HHLA1: variants seen among roughly 807,000 people sequenced by gnomAD.
HHLA1 encodes the protein HHLA1 neighbor of OC90.
A neutral mutation model predicts 69.9 loss-of-function variants in HHLA1; 72 were observed. That is an observed-to-expected ratio of 1.03 (90% CI 0.85 to 1.25). HHLA1 has a LOEUF of 1.25. HHLA1 is among the 50% of genes most tolerant of loss of function. The pLI is 0.00. For missense variants in HHLA1, 685 were observed against 642.2 expected (o/e 1.07, Z -0.72); for synonymous variants, 252 against 233.2 (o/e 1.08, Z -0.73).
At position 132,087,702 on chromosome 8, in the gene HHLA1, T is replaced by C. The variant is rs558094928; in HGVS notation, c.627A>G (p.Lys209=). The change falls in exon 10 of 17, where the codon AAA becomes AAG. Residue 209 remains lysine, a synonymous_variant. Transcript: ENST00000414222. The part of the protein sequence containing the change: ...NLSDFWEIEE[K]YPIINYTFTS... ...TAAATGTGTAATTGATAATGGGATA[T>C]TTTTCTTCTATCTCCCAGAAGTCAG... 46 of 1,551,548 alleles carry C rather than the reference T, an allele frequency of 3.0e-5. No homozygotes were observed. The Middle Eastern group carries it at 2.3e-3, about 79-fold the overall frequency.
At chr8:132,101,421 T>G (rs189207823) in intron 3 of HHLA1, 10 of 1,054,860 alleles carry the variant, frequency 9.5e-6, no homozygotes, top group East Asian at 5.6e-5. Context: ...CTAAATTTGA[T>G]GTACCATATT....
At chr8:132,065,617 T>C (rs1210755334) in intron 16 of HHLA1, among the ~76,000 whole-genome samples, 7 of 152,234 alleles carry the variant, frequency 4.6e-5, no homozygotes, top group Non-Finnish European at 7.3e-5. Context: ...AGGAGCTCTG[T>C]GGCTAAGAGA....
intron 5 of HHLA1, among the ~76,000 whole-genome samples, chr8:132,097,825 A>C (rs1294263387): frequency 6.6e-6 from 1 of 152,218 alleles, no homozygotes; most frequent in Non-Finnish European, 1.5e-5. Context: ...ATGGATAATA[A>C]TGTTGATGGG....
chr8:132,107,944 G>C (rs1036807862), intron 1 of HHLA1, among the ~76,000 whole-genome samples: 1 of 152,168 alleles, frequency 6.6e-6, no homozygotes, highest in East Asian at 1.9e-4. Flanking sequence ...GACCACTCTG[G>C]GACAGTCTAG....
At chr8:132,076,447 ACC>A in intron 13 of HHLA1, 26 bp downstream of exon 13, 1 of 1,280,500 alleles carries the variant, frequency 7.8e-7, no homozygotes, top group Admixed American at 2.2e-5. Context: ...CCACCCCCAA[ACC>A]CCCACTTCCG....
chr8:132,092,437 A>G (rs1002362041), intron 7 of HHLA1, among the ~76,000 whole-genome samples: 1 of 152,146 alleles, frequency 6.6e-6, no homozygotes, highest in Non-Finnish European at 1.5e-5. Context: ...TGCAATCCAC[A>G]ATGCTGGAGG....
At chr8:132,077,258 G>A (rs1471674943) in intron 12 of HHLA1, among the ~76,000 whole-genome samples, 2 of 152,182 alleles carry the variant, frequency 1.3e-5, no homozygotes, top group African/African-American at 4.8e-5. Context: ...AGTTCTGGAG[G>A]AGAGTGGGCT....
In HHLA1 at chr8:132,079,929, G is replaced by C; in HGVS notation, c.714C>G (p.Pro238=). ...GTAGTGTTTTCTGGCTTTTGGTTGTGGGCTTTGAAGTCCTGGCAGTTCCCC... is the reference window on the plus strand; with the variant it reads ...GTAGTGTTTTCTGGCTTTTGGTTGTCGGCTTTGAAGTCCTGGCAGTTCCCC... ...ATRGTARTSK[P]TTKSQKTLPS... The change falls in exon 11 of 17, where the codon CCC becomes CCG. Residue 238 remains proline (P), a synonymous_variant. Coordinates refer to ENST00000414222, the MANE Select transcript of HHLA1 (RefSeq NM_001145095.3). The C allele has an allele frequency of 6.4e-7, 1 of 1,552,296 alleles. No homozygotes were observed. The highest frequency in any genetic ancestry group is 8.7e-7 in the Non-Finnish European group (1 of 1,147,116).
chr8:132,077,000 G>T (rs999665681), intron 12 of HHLA1, among the ~76,000 whole-genome samples: 1 of 152,070 alleles, frequency 6.6e-6, no homozygotes, highest in Non-Finnish European at 1.5e-5. Context: ...TTTGTATCAT[G>T]TTCATGAAGC....
At position 132,098,286 on chromosome 8, in the gene HHLA1, C is replaced by T. The variant is rs570408612; in HGVS notation, c.280+596G>A. ...AGAAAGAAGATTACAATAATATTGT[C>T]TTAAAAAAAGAAATCCAGAATCATA... On this transcript the variant is annotated intron_variant, in intron 5 of 16. Transcript: ENST00000414222. Among the ~76,000 whole-genome samples the T allele has an allele frequency of 5.9e-5, 9 of 152,172 alleles. No individual in the cohort carries two copies. In the South Asian group the frequency reaches 1.9e-3, roughly 32 times the overall value.
At chr8:132,075,222 C>T (rs965960011) in intron 14 of HHLA1, among the ~76,000 whole-genome samples, 12 of 152,112 alleles carry the variant, frequency 7.9e-5, no homozygotes, top group Non-Finnish European at 1.2e-4. Flanking sequence ...AAAAAGGAGA[C>T]GGGGCAGGGT....
In HHLA1 at chr8:132,078,904, T is replaced by TTTTG. The variant is rs141517904; in HGVS notation, c.925+810_925+813dup. On this transcript the variant is annotated intron_variant, in intron 11 of 16. Coordinates refer to ENST00000414222, the MANE Select transcript of HHLA1 (RefSeq NM_001145095.3). ...ACCCACTGAGAAAATATTGACTCTT[T>TTTTG]TTTGTTTGTTTGTTTTTTCTGCACT... 4.5e-3 allele frequency among the ~76,000 whole-genome samples: 689 copies of TTTTG among 152,214 alleles called. 4 individuals are homozygous for TTTTG. Among genetic ancestry groups the TTTTG allele is most frequent in the East Asian group, 0.033 (172 of 5,168 alleles).
chr8:132,107,165 G>T (rs541238130), intron 1 of HHLA1, among the ~76,000 whole-genome samples: 4 of 152,032 alleles, frequency 2.6e-5, no homozygotes, highest in African/African-American at 9.6e-5. Flanking sequence ...GGAATTAAAA[G>T]ATAAAAACTT....
intron 10 of HHLA1, 66 bp downstream of exon 10, chr8:132,087,587 T>G (rs568083059): frequency 2.1e-6 from 2 of 974,770 alleles, no homozygotes; most frequent in East Asian, 2.6e-5. Context: ...CTTTCAGTCA[T>G]TAGTGTGCCA....
In HHLA1 at chr8:132,080,315, G is replaced by A. The variant is rs1028717675; in HGVS notation, c.677-349C>T. 6 of 364,032 alleles carry A rather than the reference G, an allele frequency of 1.6e-5. No individual in the cohort carries two copies. The East Asian group carries it at 4.3e-4, about 26-fold the overall frequency. The allele number at this position is 364,032 out of a possible 1,614,324, so 22.6% of individuals were successfully genotyped here. On this transcript the variant is annotated intron_variant, in intron 10 of 16. Coordinates refer to ENST00000414222, the MANE Select transcript of HHLA1 (RefSeq NM_001145095.3). ...AGCTGTTTATTTCACCTGGGTGCAG[G>A]CGGGCTGAGTCCGAAAAGAGAGTCA... is the stretch of plus-strand genomic sequence containing the variant.
intron 15 of HHLA1, among the ~76,000 whole-genome samples, chr8:132,070,780 A>G (rs1225983641): frequency 1.3e-5 from 2 of 151,132 alleles, no homozygotes; most frequent in Admixed American, 1.3e-4. Context: ...ACTCATCACT[A>G]TTCAACTCAT....
chr8:132,079,367 C>T (rs779729079), intron 11 of HHLA1, among the ~76,000 whole-genome samples: 7 of 152,220 alleles, frequency 4.6e-5, no homozygotes, highest in Non-Finnish European at 1.0e-4. Flanking sequence ...AATACTTTTG[C>T]CACAATGTAC....
Position 132,061,691 on chromosome 8 carries a change from C to T in HHLA1, c.*2304G>A, listed in dbSNP as rs1823355148. On this transcript the variant is annotated 3_prime_UTR_variant, in exon 17 of 17. Coordinates refer to ENST00000414222, the MANE Select transcript of HHLA1 (RefSeq NM_001145095.3). ...CCTAGCTATCCCCTAAATCAGGACA[C>T]ATTCAGCTCAGAAGGGGTCAAACCT... The T allele has an allele frequency of 6.6e-6, 1 of 152,174 alleles. No individual in the cohort carries two copies. Among genetic ancestry groups the T allele is most frequent in the African/African-American group, 2.4e-5 (1 of 41,432 alleles). The allele number at this position is 152,174 out of a possible 1,614,324, so 9.4% of individuals were successfully genotyped here.
At chr8:132,087,601 G>A in intron 10 of HHLA1, 52 bp downstream of exon 10, 1 of 1,186,386 alleles carries the variant, frequency 8.4e-7, no homozygotes, top group Non-Finnish European at 1.2e-6. Context: ...TGTGCCAGGT[G>A]GGACCCTGGT....
Sources: gnomAD v4.1 joint callset for allele counts (sites outside exome capture counted in the v4.1 genomes callset) on GRCh38, gnomAD v4.1.1 for gene constraint, MANE v1.5 for transcripts, NCBI Gene and HGNC (gene_info 2026-07-23, HGNC 2026-07-21) for gene names.